The following MYOCD variants were observed in gnomAD, a reference collection of about 807,000 sequenced individuals.
The protein encoded by MYOCD is myocardin.
In MYOCD, 32 loss-of-function variants were observed where a neutral mutation model predicts 96.1. The observed-to-expected ratio is 0.33, with a 90% confidence interval of 0.25 to 0.45. The LOEUF (loss-of-function observed/expected upper bound fraction) is 0.45, where lower values mean the gene tolerates loss of function less well. MYOCD is among the 20% of genes least tolerant of loss of function. MYOCD has a pLI of 1.00. For missense variants in MYOCD, 1,133 were observed against 1,200.6 expected, an observed-to-expected ratio of 0.94 and a Z score of 0.83; for synonymous variants, 469 against 469.0, an observed-to-expected ratio of 1.00 and a Z score of 0.00.
chr17:12,749,644 T>C (rs2032776206), intron 9 of MYOCD, among the ~76,000 whole-genome samples: 1 of 147,382 alleles, frequency 6.8e-6, no homozygotes, highest in Non-Finnish European at 1.5e-5. Context: ...CGTGTGTATA[T>C]ATACACACGT....
intron 6 of MYOCD, among the ~76,000 whole-genome samples, chr17:12,738,679 C>T (rs1490525041): frequency 3.3e-5 from 5 of 152,020 alleles, no homozygotes; most frequent in Admixed American, 3.3e-4. Flanking sequence ...CAAACACACA[C>T]TTTCCCTTTT....
rs140798341 is a variant in MYOCD, at chr17:12,693,347, C to T, written c.56-11781C>T. On this transcript the variant is annotated intron_variant, in intron 1 of 13. Transcript: ENST00000425538. Reference sequence around the variant, plus strand: ...ACCATAGACCAGTCACGGTGTCTCACGCCTGTAATCCCAGCACTTTGGGAG... The same window carrying T: ...ACCATAGACCAGTCACGGTGTCTCATGCCTGTAATCCCAGCACTTTGGGAG... Among the ~76,000 whole-genome samples the T allele has an allele frequency of 7.4e-3, 1,131 of 151,972 alleles. 6 individuals are homozygous for T. Among genetic ancestry groups the T allele is most frequent in the Middle Eastern group, 0.01 (3 of 292 alleles).
In MYOCD at chr17:12,758,168, T is replaced by A. The variant is rs755470006; in HGVS notation, c.2286T>A (p.Ile762=). The A allele has an allele frequency of 6.2e-7, 1 of 1,614,038 alleles. No individual in the cohort carries two copies. Among genetic ancestry groups the A allele is most frequent in the African/African-American group, 1.3e-5 (1 of 74,910 alleles). Residue 762 remains isoleucine (I), a synonymous_variant, in exon 12 of 14, where the codon ATT becomes ATA. Transcript: ENST00000425538. ...SPTFSKSSSA[I]SEVTQPPSYE... ...CTTTTTCTAAGTCAAGTTCAGCAATTTCAGAGGTAACACAGCCTCCATCCT... is the reference window on the plus strand; with the variant it reads ...CTTTTTCTAAGTCAAGTTCAGCAATATCAGAGGTAACACAGCCTCCATCCT...
At chr17:12,761,931 T>A (rs1381375069) in intron 13 of MYOCD, 1 of 152,308 alleles carries the variant, frequency 6.6e-6, no homozygotes, top group Non-Finnish European at 1.5e-5. Flanking sequence ...CCTGCCCTTG[T>A]ATATTTTTAA....
chr17:12,697,335 GTATATATATA>G (rs1007347099), intron 1 of MYOCD, among the ~76,000 whole-genome samples: 3 of 92,042 alleles, frequency 3.3e-5, no homozygotes, highest in African/African-American at 1.4e-4. Flanking sequence ...TGGTATAGGA[GTATATATATA>G]TATATATATA....
chr17:12,693,313 AC>A (rs199781705), intron 1 of MYOCD, among the ~76,000 whole-genome samples: 3 of 151,974 alleles, frequency 2.0e-5, no homozygotes, highest in Admixed American at 2.0e-4. Flanking sequence ...AAACAAACAA[AC>A]AAAAAAAACC....
chr17:12,736,427 T>C (rs912214188), intron 6 of MYOCD, 91 bp downstream of exon 6: 1 of 1,378,734 alleles, frequency 7.3e-7, no homozygotes, highest in Admixed American at 2.1e-5. Context: ...TAACAGCTGG[T>C]TTTGCTTAGA....
Position 12,680,354 on chromosome 17 carries a change from C to T in MYOCD, c.55+14111C>T, listed in dbSNP as rs143285961. ...TAGAGGTGAGTATAATGACGTCTGTCTTACAGGGATGGGAAACTAAGGTAT... is the reference window on the plus strand; with the variant it reads ...TAGAGGTGAGTATAATGACGTCTGTTTTACAGGGATGGGAAACTAAGGTAT... On this transcript the variant is annotated intron_variant, in intron 1 of 13. Transcript: ENST00000425538. Among the ~76,000 whole-genome samples the T allele has an allele frequency of 4.8e-3, 735 of 152,282 alleles. 3 individuals are homozygous for T. Among genetic ancestry groups the T allele is most frequent in the African/African-American group, 0.017 (696 of 41,548 alleles).
intron 3 of MYOCD, among the ~76,000 whole-genome samples, chr17:12,716,468 C>T (rs1223561478): frequency 3.3e-5 from 5 of 152,176 alleles, no homozygotes; most frequent in Non-Finnish European, 7.3e-5. Context: ...ACAGCCCTAC[C>T]GACAGCCCCA....
chr17:12,702,018 A>C (rs1040683051), intron 1 of MYOCD, among the ~76,000 whole-genome samples: 4 of 152,116 alleles, frequency 2.6e-5, no homozygotes, highest in Admixed American at 2.6e-4. Flanking sequence ...TTTATTCTGC[A>C]GTTGTTAGGT....
chr17:12,760,572 C>T, intron 12 of MYOCD, 78 bp from the exon 13 acceptor site: 1 of 1,183,012 alleles, frequency 8.5e-7, no homozygotes, highest in East Asian at 2.3e-5. Context: ...CAAAATCTTG[C>T]AGTGCTGCTT....
chr17:12,738,005 A>T (rs1022676383), intron 6 of MYOCD, among the ~76,000 whole-genome samples: 2 of 152,220 alleles, frequency 1.3e-5, no homozygotes, highest in African/African-American at 4.8e-5. Context: ...CTTTGATAAC[A>T]TCAAACGGTG....
intron 1 of MYOCD, among the ~76,000 whole-genome samples, chr17:12,676,243 A>G (rs376954148): frequency 1.0e-4 from 7 of 70,206 alleles, no homozygotes; most frequent in Non-Finnish European, 1.8e-4. Context: ...CTGCGCGCGC[A>G]CGCACACACA....
At chr17:12,739,479 A>G (rs1567593577) in intron 7 of MYOCD, 151 bp downstream of exon 7, 1 of 825,608 alleles carries the variant, frequency 1.2e-6, no homozygotes, top group Admixed American at 4.1e-5. Flanking sequence ...GTCACAAAAC[A>G]GGAGATGAGA....
At chr17:12,726,211 A>G (rs2031994407) in intron 5 of MYOCD, among the ~76,000 whole-genome samples, 1 of 152,134 alleles carries the variant, frequency 6.6e-6, no homozygotes, top group African/African-American at 2.4e-5. Context: ...ATCATTCCCT[A>G]CAGCGAGGGT....
At chr17:12,759,170 C>A (rs1721341526) in intron 12 of MYOCD, among the ~76,000 whole-genome samples, 1 of 152,174 alleles carries the variant, frequency 6.6e-6, no homozygotes, top group African/African-American at 2.4e-5. Flanking sequence ...ACATTTACAT[C>A]AATTGCTACA....
intron 1 of MYOCD, among the ~76,000 whole-genome samples, chr17:12,681,735 G>C (rs902042761): frequency 6.6e-6 from 1 of 152,120 alleles, no homozygotes; most frequent in Non-Finnish European, 1.5e-5. Flanking sequence ...TCTCCTGTAA[G>C]AGTCACTGAG....
chr17:12,740,639 G>C (rs990184623), intron 7 of MYOCD, among the ~76,000 whole-genome samples: 1 of 152,022 alleles, frequency 6.6e-6, no homozygotes, highest in African/African-American at 2.4e-5. Context: ...CACCAGCATC[G>C]CATCTCACAG....
chr17:12,673,890 T>C (rs1459429730), intron 1 of MYOCD, among the ~76,000 whole-genome samples: 6 of 152,198 alleles, frequency 3.9e-5, no homozygotes, highest in Non-Finnish European at 5.9e-5. Flanking sequence ...TGGTGGCTGG[T>C]ATCTGATGAG....
Sources: allele counts gnomAD v4.1 joint callset (sites outside exome capture counted in the v4.1 genomes callset), GRCh38; gene constraint gnomAD v4.1.1; transcripts MANE v1.5; gene names NCBI Gene and HGNC (gene_info 2026-07-23, HGNC 2026-07-21).